The following ST6GAL1 variants were observed in gnomAD, a reference collection of about 807,000 sequenced individuals.
ST6GAL1 encodes the protein beta-galactoside alpha-2,6-sialyltransferase 1.
In ST6GAL1, 20 loss-of-function variants were observed where a neutral mutation model predicts 38.0. The ratio of observed to expected loss-of-function variants is 0.53; its 90% CI spans 0.37 to 0.77. The LOEUF (loss-of-function observed/expected upper bound fraction) is 0.77. Among genes scored for constraint, ST6GAL1 ranks in the 30% least tolerant of loss-of-function variants. The probability of loss-of-function intolerance (pLI) is 0.00; values close to 1 mark genes in which losing one functional copy is unlikely to be tolerated. For synonymous variants in ST6GAL1, 196 were observed against 188.2 expected, an observed-to-expected ratio of 1.04 and a Z score of -0.34; for missense variants, 432 against 496.4, an observed-to-expected ratio of 0.87 and a Z score of 1.23.
intron 3 of ST6GAL1, among the ~76,000 whole-genome samples, chr3:187,039,151 G>A (rs1274664022): frequency 2.0e-5 from 3 of 152,138 alleles, no homozygotes; most frequent in Non-Finnish European, 4.4e-5. Context: ...TACCTGCCAC[G>A]AATGCAACTG....
chr3:187,073,962 T>C, intron 6 of ST6GAL1, 197 bp from the exon 7 acceptor site: 1 of 479,480 alleles, frequency 2.1e-6, no homozygotes, highest in Non-Finnish European at 3.6e-6. Flanking sequence ...GGCTATAGGC[T>C]AGGCCCCACC....
intron 2 of ST6GAL1, among the ~76,000 whole-genome samples, chr3:186,988,324 C>T (rs1716026304): frequency 6.6e-6 from 1 of 152,056 alleles, no homozygotes. Context: ...ATAATGCTTC[C>T]TCAGCTCTAA....
intron 2 of ST6GAL1, among the ~76,000 whole-genome samples, chr3:187,015,287 G>A (rs1054325196): frequency 2.0e-4 from 30 of 152,094 alleles, no homozygotes; most frequent in Non-Finnish European, 1.3e-4. Context: ...TAGGACCTTC[G>A]GAGTTATTCT....
chr3:187,051,788 C>A (rs1718524383), intron 5 of ST6GAL1, among the ~76,000 whole-genome samples: 1 of 152,150 alleles, frequency 6.6e-6, no homozygotes, highest in Non-Finnish European at 1.5e-5. Context: ...TGTAATATGG[C>A]ACTAGAATTC....
intron 5 of ST6GAL1, among the ~76,000 whole-genome samples, chr3:187,066,021 A>G (rs567268537): frequency 6.6e-6 from 1 of 152,244 alleles, no homozygotes; most frequent in African/African-American, 2.4e-5. Flanking sequence ...AGCTTTCTGG[A>G]AGCTCCAACT....
chr3:187,072,458 G>A (rs779580790), intron 5 of ST6GAL1: 1 of 329,564 alleles, frequency 3.0e-6, no homozygotes, highest in Non-Finnish European at 5.9e-6. Flanking sequence ...GACTCTCTAG[G>A]TGATTGAAAG....
At chr3:186,977,606 C>T (rs112111352) in intron 2 of ST6GAL1, among the ~76,000 whole-genome samples, 19 of 152,074 alleles carry the variant, frequency 1.2e-4, no homozygotes, top group African/African-American at 3.6e-4. Context: ...CCAAGGAGGG[C>T]GGAAGGCAAC....
intron 2 of ST6GAL1, among the ~76,000 whole-genome samples, chr3:186,997,812 C>T (rs1192524489): frequency 6.6e-6 from 1 of 150,702 alleles, no homozygotes; most frequent in Non-Finnish European, 1.5e-5. Context: ...ACAATGCTGA[C>T]TGGTGAGTGG....
intron 5 of ST6GAL1, among the ~76,000 whole-genome samples, chr3:187,059,868 TAGAGA>T (rs1420044450): frequency 1.3e-5 from 2 of 152,142 alleles, no homozygotes; most frequent in African/African-American, 4.8e-5. Context: ...AAAAAAGAAC[TAGAGA>T]AGAGAGTGGT....
intron 2 of ST6GAL1, among the ~76,000 whole-genome samples, chr3:186,996,279 G>C (rs1283789902): frequency 6.6e-6 from 1 of 152,156 alleles, no homozygotes. Flanking sequence ...TACAGTAAGA[G>C]TTTGCAGCTT....
chr3:187,012,981 G>A (rs1717005434), intron 2 of ST6GAL1, among the ~76,000 whole-genome samples: 1 of 152,244 alleles, frequency 6.6e-6, no homozygotes, highest in African/African-American at 2.4e-5. Context: ...GGCAGGGGCT[G>A]CAGAGGGCTG....
chr3:187,072,801 A>T, intron 5 of ST6GAL1, 48 bp from the exon 6 acceptor site: 1 of 1,523,992 alleles, frequency 6.6e-7, no homozygotes, highest in East Asian at 2.3e-5. Context: ...CATGTCAAAC[A>T]TTTGCATATG....
At position 186,948,227 on chromosome 3, in the gene ST6GAL1, G is replaced by A. The variant is rs1008113083; in HGVS notation, c.-324-15558G>A. On this transcript the variant is annotated intron_variant, in intron 1 of 7. Coordinates refer to ENST00000169298, the MANE Select transcript of ST6GAL1 (RefSeq NM_173216.2). ...CAGGAATGAATGTTGGAGCTGCCAC[G>A]CCGGCAGGCCCTGCCATGTCTGGTA... Among the ~76,000 whole-genome samples, 6 of 152,312 alleles carry A rather than the reference G, an allele frequency of 3.9e-5. 1 individual carries two copies. The highest frequency in any genetic ancestry group is 3.4e-3 in the Middle Eastern group (1 of 294).
At chr3:187,059,450 G>T (rs973702923) in intron 5 of ST6GAL1, among the ~76,000 whole-genome samples, 6 of 152,156 alleles carry the variant, frequency 3.9e-5, no homozygotes, top group Non-Finnish European at 8.8e-5. Flanking sequence ...TTCTATATAA[G>T]ATGCTACCTA....
chr3:186,994,035 A>G (rs1295953265), intron 2 of ST6GAL1, among the ~76,000 whole-genome samples: 1 of 152,078 alleles, frequency 6.6e-6, no homozygotes, highest in African/African-American at 2.4e-5. Context: ...CCTTCCACAT[A>G]TTTCTATGTG....
chr3:186,991,773 G>A, intron 2 of ST6GAL1, among the ~76,000 whole-genome samples: 1 of 152,068 alleles, frequency 6.6e-6, no homozygotes, highest in East Asian at 1.9e-4. Flanking sequence ...TCCACTGCTG[G>A]GGGCAGAGGT....
chr3:186,946,751 C>T (rs760408349), intron 1 of ST6GAL1, among the ~76,000 whole-genome samples: 1 of 152,076 alleles, frequency 6.6e-6, no homozygotes, highest in African/African-American at 2.4e-5. Flanking sequence ...ATGAACTAGT[C>T]TTACTTAAAT....
Position 186,972,653 on chromosome 3 carries a change from G to A in ST6GAL1, c.-183+8727G>A, listed in dbSNP as rs1715390522. Among the ~76,000 whole-genome samples the A allele has an allele frequency of 2.0e-5, 3 of 152,268 alleles. No individual in the cohort carries two copies. The South Asian group carries it at 6.2e-4, about 32-fold the overall frequency. On this transcript the variant is annotated intron_variant, in intron 2 of 7. Coordinates refer to ENST00000169298, the MANE Select transcript of ST6GAL1 (RefSeq NM_173216.2). ...ACGGCTCATGTGTTCACAGTGCCCA[G>A]CACAGAAGCATGCACATAGTAGGTG...
chr3:186,953,117 G>A (rs1294538282), intron 1 of ST6GAL1, among the ~76,000 whole-genome samples: 1 of 152,130 alleles, frequency 6.6e-6, no homozygotes, highest in African/African-American at 2.4e-5. Flanking sequence ...CCTGCTTGTA[G>A]TCTTGCTCCT....
Sources: allele counts gnomAD v4.1 joint callset (sites outside exome capture counted in the v4.1 genomes callset), GRCh38; gene constraint gnomAD v4.1.1; transcripts MANE v1.5; gene names NCBI Gene and HGNC (gene_info 2026-07-23, HGNC 2026-07-21).